Variants in PRKAG2 observed in about 807,000 individuals in gnomAD.
PRKAG2 encodes 5'-AMP-activated protein kinase subunit gamma-2.
Under a neutral mutation model 69.6 loss-of-function variants are expected in PRKAG2, and 26 were observed. The observed-to-expected ratio is 0.37, with a 90% CI of 0.27 to 0.52. The LOEUF (loss-of-function observed/expected upper bound fraction) is 0.52, where lower values mean the gene tolerates loss of function less well. Among genes scored for constraint, PRKAG2 ranks in the 20% least tolerant of loss-of-function variants. The probability of loss-of-function intolerance (pLI) is 0.90; values close to 1 mark genes in which losing one functional copy is unlikely to be tolerated. For synonymous variants in PRKAG2, 293 were observed against 285.0 expected, an observed-to-expected ratio of 1.03 and a Z score of -0.28; for missense variants, 557 against 740.0, an observed-to-expected ratio of 0.75 and a Z score of 2.87.
At chr7:151,702,428 G>T (rs919550118) in intron 3 of PRKAG2, among the ~76,000 whole-genome samples, 2 of 152,150 alleles carry the variant, frequency 1.3e-5, no homozygotes, top group East Asian at 3.9e-4. Flanking sequence ...GACGGATGGG[G>T]ATGCAGGTCC....
intron 1 of PRKAG2, among the ~76,000 whole-genome samples, chr7:151,863,207 G>A (rs980119988): frequency 1.2e-4 from 18 of 151,476 alleles, no homozygotes; most frequent in African/African-American, 1.9e-4. Flanking sequence ...GTAGGTCCCC[G>A]GGTAGAGGCA....
At chr7:151,678,751 G>GCC (rs1278207168) in intron 3 of PRKAG2, among the ~76,000 whole-genome samples, 1 of 152,190 alleles carries the variant, frequency 6.6e-6, no homozygotes, top group African/African-American at 2.4e-5. Context: ...CTGAGGTTAG[G>GCC]AGTTCAAGAC....
chr7:151,860,310 G>C (rs191522264), intron 1 of PRKAG2, among the ~76,000 whole-genome samples: 9 of 152,206 alleles, frequency 5.9e-5, no homozygotes, highest in Non-Finnish European at 1.2e-4. Flanking sequence ...ATTTGCAGCA[G>C]AGAGAACCAG....
At chr7:151,825,762 G>A (rs2078892038) in intron 1 of PRKAG2, among the ~76,000 whole-genome samples, 1 of 152,192 alleles carries the variant, frequency 6.6e-6, no homozygotes, top group African/African-American at 2.4e-5. Flanking sequence ...CCTTTCCTGA[G>A]CACAAATGCA....
At chr7:151,804,948 C>T (rs973746935) in intron 1 of PRKAG2, among the ~76,000 whole-genome samples, 2 of 152,166 alleles carry the variant, frequency 1.3e-5, no homozygotes, top group African/African-American at 4.8e-5. Flanking sequence ...GGCTCACTGT[C>T]AAAGTCTGAA....
intron 1 of PRKAG2, among the ~76,000 whole-genome samples, chr7:151,840,940 C>T (rs2079261880): frequency 6.6e-6 from 1 of 152,212 alleles, no homozygotes; most frequent in African/African-American, 2.4e-5. Flanking sequence ...TCAAGTCCAG[C>T]CTATGAGACA....
intron 3 of PRKAG2, among the ~76,000 whole-genome samples, chr7:151,724,347 C>T (rs1460139585): frequency 6.6e-6 from 1 of 152,188 alleles, no homozygotes; most frequent in East Asian, 1.9e-4. Context: ...GCTCCCAGCC[C>T]CTTTGTCATC....
intron 1 of PRKAG2, among the ~76,000 whole-genome samples, chr7:151,837,664 C>G (rs73487767): frequency 6.6e-6 from 1 of 152,108 alleles, no homozygotes; most frequent in African/African-American, 2.4e-5. Context: ...GAATGCCACA[C>G]GCGAGGCACT....
At chr7:151,727,903 T>A (rs1478970160) in intron 3 of PRKAG2, among the ~76,000 whole-genome samples, 2 of 152,170 alleles carry the variant, frequency 1.3e-5, no homozygotes, top group African/African-American at 4.8e-5. Flanking sequence ...CAAAACTTCC[T>A]CCTGGGTCTG....
intron 4 of PRKAG2, among the ~76,000 whole-genome samples, chr7:151,672,761 G>GT (rs1832270702): frequency 6.6e-6 from 1 of 151,982 alleles, no homozygotes; most frequent in Non-Finnish European, 1.5e-5. Flanking sequence ...CACCACATTT[G>GT]TTTATCCATT....
At chr7:151,596,583 T>C (rs1814583215) in intron 5 of PRKAG2, among the ~76,000 whole-genome samples, 1 of 152,062 alleles carries the variant, frequency 6.6e-6, no homozygotes, top group Non-Finnish European at 1.5e-5. Flanking sequence ...ACCCCGTCTC[T>C]ACTAAAAATA....
chr7:151,703,716 T>A lies in PRKAG2; in HGVS notation c.467-28079A>T, dbSNP rs75447105. ...ATCATTCTTTTTCTATTTAAAAAAA[T>A]TTTTTTGGCTGGGCGCGGTGGCTTA... On this transcript the variant is annotated intron_variant, in intron 3 of 15. Transcript: ENST00000287878. Among the ~76,000 whole-genome samples the A allele has an allele frequency of 2.3e-3, 351 of 152,052 alleles. 2 individuals are homozygous for A. The highest frequency in any genetic ancestry group is 8.1e-3 in the African/African-American group (338 of 41,490).
intron 3 of PRKAG2, among the ~76,000 whole-genome samples, chr7:151,714,583 A>C (rs1795866783): frequency 6.6e-6 from 1 of 152,178 alleles, no homozygotes; most frequent in East Asian, 1.9e-4. Flanking sequence ...GAAAAAAACT[A>C]CTCTAGTAAA....
chr7:151,589,191 C>T (rs527406287), intron 6 of PRKAG2, among the ~76,000 whole-genome samples: 1 of 152,268 alleles, frequency 6.6e-6, no homozygotes, highest in Non-Finnish European at 1.5e-5. Flanking sequence ...CACTGCCTTA[C>T]CTGGGCACCG....
At chr7:151,832,596 G>GGGA (rs1409780740) in intron 1 of PRKAG2, among the ~76,000 whole-genome samples, 3 of 1,092 alleles carry the variant, frequency 2.7e-3, no homozygotes, top group East Asian at 0.019. Context: ...AGGCATCTCT[G>GGGA]GGGGGGGGGT....
chr7:151,654,557 CTA>C (rs1829111957), intron 4 of PRKAG2, among the ~76,000 whole-genome samples: 1 of 152,160 alleles, frequency 6.6e-6, no homozygotes, highest in Non-Finnish European at 1.5e-5. Flanking sequence ...ATATAGTGTA[CTA>C]TAGTTCACCT....
intron 1 of PRKAG2, among the ~76,000 whole-genome samples, chr7:151,838,030 C>T (rs1352379168): frequency 1.3e-5 from 2 of 151,924 alleles, no homozygotes; most frequent in South Asian, 2.1e-4. Context: ...GCGCACAGGA[C>T]CCCGGAGGAG....
intron 4 of PRKAG2, among the ~76,000 whole-genome samples, chr7:151,658,619 T>A (rs1393228938): frequency 1.3e-5 from 2 of 152,166 alleles, no homozygotes; most frequent in Admixed American, 1.3e-4. Flanking sequence ...TGCCACCAAA[T>A]GTGCCTGATC....
intron 2 of PRKAG2, among the ~76,000 whole-genome samples, chr7:151,784,378 G>C (rs759918756): frequency 1.3e-5 from 2 of 152,208 alleles, no homozygotes; most frequent in Non-Finnish European, 2.9e-5. Context: ...GACACATAGG[G>C]GAGCGGGGCC....
Sources: gnomAD v4.1 joint callset for allele counts (sites outside exome capture counted in the v4.1 genomes callset) on GRCh38, gnomAD v4.1.1 for gene constraint, MANE v1.5 for transcripts, NCBI Gene and HGNC (gene_info 2026-07-23, HGNC 2026-07-21) for gene names.